TMEM117: variants seen among roughly 807,000 people sequenced by gnomAD.
TMEM117 encodes transmembrane protein 117.
A neutral mutation model predicts 52.4 loss-of-function variants in TMEM117; 27 were observed. The observed-to-expected ratio is 0.51, with a 90% confidence interval of 0.38 to 0.71. The LOEUF is 0.71. TMEM117 is among the 30% of genes least tolerant of loss of function. The probability of loss-of-function intolerance (pLI) is 0.00; values close to 1 mark genes in which losing one functional copy is unlikely to be tolerated. For synonymous variants in TMEM117, 215 were observed against 206.3 expected, an observed-to-expected ratio of 1.04 and a Z score of -0.36; for missense variants, 556 against 630.5, an observed-to-expected ratio of 0.88 and a Z score of 1.26.
chr12:43,838,003 C>T (rs1197558839), intron 1 of TMEM117, among the ~76,000 whole-genome samples: 1 of 152,146 alleles, frequency 6.6e-6, no homozygotes, highest in East Asian at 1.9e-4. Context: ...TCTATCAGAA[C>T]CACTTATGGT....
At chr12:44,013,532 C>A (rs1946328027) in intron 3 of TMEM117, among the ~76,000 whole-genome samples, 2 of 152,122 alleles carry the variant, frequency 1.3e-5, no homozygotes, top group African/African-American at 4.8e-5. Context: ...AATATCCTTT[C>A]TTTCATATTT....
intron 4 of TMEM117, among the ~76,000 whole-genome samples, chr12:44,195,145 A>G (rs1361845285): frequency 6.6e-6 from 1 of 152,132 alleles, no homozygotes; most frequent in Non-Finnish European, 1.5e-5. Flanking sequence ...TCTGAAATCA[A>G]TTATTGGCCA....
intron 3 of TMEM117, among the ~76,000 whole-genome samples, chr12:43,977,393 C>G (rs927074792): frequency 6.6e-6 from 1 of 152,042 alleles, no homozygotes; most frequent in African/African-American, 2.4e-5. Flanking sequence ...TTTGATGTGT[C>G]GTGCTGGAAT....
intron 6 of TMEM117, among the ~76,000 whole-genome samples, chr12:44,308,868 C>T (rs1475973206): frequency 6.6e-6 from 1 of 152,080 alleles, no homozygotes; most frequent in Non-Finnish European, 1.5e-5. Context: ...ATCCGCCCAC[C>T]TTGGCCTCCC....
intron 3 of TMEM117, among the ~76,000 whole-genome samples, chr12:43,979,717 A>G (rs1945729473): frequency 6.6e-6 from 1 of 152,130 alleles, no homozygotes; most frequent in South Asian, 2.1e-4. Context: ...ATCTTTTGGG[A>G]ATGACAAAAA....
intron 2 of TMEM117, among the ~76,000 whole-genome samples, chr12:43,900,365 A>C (rs1944283164): frequency 6.6e-6 from 1 of 152,170 alleles, no homozygotes; most frequent in Non-Finnish European, 1.5e-5. Flanking sequence ...TAAGGAATTA[A>C]AAAGAAATCA....
At chr12:43,977,593 G>A (rs2137710526) in intron 3 of TMEM117, among the ~76,000 whole-genome samples, 1 of 152,142 alleles carries the variant, frequency 6.6e-6, no homozygotes, top group East Asian at 1.9e-4. Flanking sequence ...AAAAATTAAA[G>A]GTAAATAAGG....
intron 5 of TMEM117, among the ~76,000 whole-genome samples, chr12:44,254,011 C>CAAAAAAAAAA (rs199912435): frequency 1.1e-5 from 1 of 90,090 alleles, no homozygotes; most frequent in East Asian, 3.7e-4. Flanking sequence ...CTCATTTGAC[C>CAAAAAAAAAA]AAAAAAAAAA....
intron 2 of TMEM117, among the ~76,000 whole-genome samples, chr12:43,876,326 G>A (rs1487899301): frequency 2.0e-5 from 3 of 152,064 alleles, no homozygotes; most frequent in South Asian, 2.1e-4. Flanking sequence ...CTTGCCATGC[G>A]GGGCCCAACC....
intron 5 of TMEM117, among the ~76,000 whole-genome samples, chr12:44,271,572 C>T (rs1401107117): frequency 6.6e-6 from 1 of 152,044 alleles, no homozygotes; most frequent in East Asian, 1.9e-4. Context: ...GTTTTTGATC[C>T]TCCACTCATA....
chr12:44,308,912 C>T (rs1815365921), intron 6 of TMEM117, among the ~76,000 whole-genome samples: 3 of 152,188 alleles, frequency 2.0e-5, no homozygotes, highest in Admixed American at 2.0e-4. Flanking sequence ...AGCCACTGCG[C>T]CCGGCCTGTA....
At chr12:44,337,746 C>T (rs1037613872) in intron 6 of TMEM117, among the ~76,000 whole-genome samples, 2 of 152,176 alleles carry the variant, frequency 1.3e-5, no homozygotes, top group East Asian at 3.9e-4. Flanking sequence ...TTCTCAAACA[C>T]ATATTTTCAC....
At chr12:44,116,713 A>G (rs190192978) in intron 3 of TMEM117, among the ~76,000 whole-genome samples, 2 of 152,352 alleles carry the variant, frequency 1.3e-5, no homozygotes, top group Non-Finnish European at 2.9e-5. Flanking sequence ...TGGCAGCACC[A>G]CTGGGTCACC....
At chr12:44,300,066 T>G (rs1182643343) in intron 6 of TMEM117, among the ~76,000 whole-genome samples, 1 of 152,138 alleles carries the variant, frequency 6.6e-6, no homozygotes, top group Non-Finnish European at 1.5e-5. Flanking sequence ...TGTCATTTAG[T>G]AAATGGAAAG....
chr12:43,867,932 A>T (rs1487500770), intron 2 of TMEM117, among the ~76,000 whole-genome samples: 2 of 152,220 alleles, frequency 1.3e-5, no homozygotes, highest in Non-Finnish European at 2.9e-5. Flanking sequence ...TCTGATGTTC[A>T]CAGAACATTA....
chr12:43,880,271 T>A (rs1565732232), intron 2 of TMEM117, among the ~76,000 whole-genome samples: 1 of 152,208 alleles, frequency 6.6e-6, no homozygotes, highest in Non-Finnish European at 1.5e-5. Context: ...TTTGCTTTTT[T>A]ATTACTTTTC....
intron 3 of TMEM117, among the ~76,000 whole-genome samples, chr12:44,039,614 C>T (rs942514990): frequency 6.6e-6 from 1 of 151,920 alleles, no homozygotes; most frequent in Non-Finnish European, 1.5e-5. Flanking sequence ...AACACATTCA[C>T]AGATTAAAAT....
chr12:44,025,204 G>C (rs1277068552), intron 3 of TMEM117, among the ~76,000 whole-genome samples: 1 of 152,104 alleles, frequency 6.6e-6, no homozygotes, highest in Non-Finnish European at 1.5e-5. Context: ...ACTCCATCTT[G>C]TATAATAATA....
At chr12:44,168,864 T>C (rs941922833) in intron 4 of TMEM117, among the ~76,000 whole-genome samples, 3 of 152,164 alleles carry the variant, frequency 2.0e-5, no homozygotes, top group Non-Finnish European at 4.4e-5. Context: ...TTCCTCTTTT[T>C]ATCCTCCCCT....
Sources: allele counts gnomAD v4.1 joint callset (sites outside exome capture counted in the v4.1 genomes callset), GRCh38; gene constraint gnomAD v4.1.1; transcripts MANE v1.5; gene names NCBI Gene and HGNC (gene_info 2026-07-23, HGNC 2026-07-21).